TBXAS1: variants seen among roughly 807,000 people sequenced by gnomAD.
TBXAS1 encodes the protein thromboxane A synthase 1, also known as thromboxane-A synthase.
A neutral mutation model predicts 60.7 loss-of-function variants in TBXAS1; 48 were observed. The ratio of observed to expected loss-of-function variants is 0.79; its 90% CI spans 0.63 to 1.01. The LOEUF (loss-of-function observed/expected upper bound fraction) is 1.01. Ranked by LOEUF, TBXAS1 falls within the 50% of genes least tolerant of loss-of-function variation. The pLI, the probability that TBXAS1 is intolerant of heterozygous loss-of-function variation, is 0.00. For synonymous variants in TBXAS1, 287 were observed against 269.7 expected (o/e 1.06, Z -0.63); for missense variants, 685 against 686.3 (o/e 1.00, Z 0.02).
In TBXAS1 at chr7:139,810,040, C is replaced by CT. The variant is rs374225998; in HGVS notation, c.-79-19258dup. On this transcript the variant is annotated intron_variant, in intron 4 of 16. Coordinates refer to the TBXAS1 transcript ENST00000336425. ...GTCATTTTCAATAAGTGGAAATTAA[C>CT]TTTTTTTTTTTTTTGAGACAGGGTC... Among the ~76,000 whole-genome samples the CT allele has an allele frequency of 6.8e-3, 995 of 145,690 alleles. 7 individuals carry two copies. The highest frequency in any genetic ancestry group is 0.02 in the African/African-American group (782 of 39,914).
chr7:139,793,801 G>A (rs1797465791), intron 4 of TBXAS1, among the ~76,000 whole-genome samples: 1 of 152,210 alleles, frequency 6.6e-6, no homozygotes, highest in Non-Finnish European at 1.5e-5. Context: ...GATTCAGAGT[G>A]AAAATAAGCC....
chr7:139,855,528 A>G (rs1334503457), intron 1 of TBXAS1, among the ~76,000 whole-genome samples: 1 of 152,038 alleles, frequency 6.6e-6, no homozygotes, highest in East Asian at 1.9e-4. Flanking sequence ...TGCCAGGTGA[A>G]GTGGGCCTCA....
intron 8 of TBXAS1, among the ~76,000 whole-genome samples, chr7:139,959,582 A>T (rs549497568): frequency 4.6e-4 from 70 of 152,232 alleles, no homozygotes; most frequent in African/African-American, 1.6e-3. Flanking sequence ...TGGCCTCTGT[A>T]GCTGGAGGTT....
intron 9 of TBXAS1, among the ~76,000 whole-genome samples, chr7:140,006,786 G>C (rs752851952): frequency 3.9e-5 from 6 of 152,166 alleles, no homozygotes; most frequent in Non-Finnish European, 8.8e-5. Flanking sequence ...TGCTGCACTT[G>C]GTCGGCCACA....
chr7:139,988,631 G>C (rs753521451), intron 9 of TBXAS1, among the ~76,000 whole-genome samples: 16 of 151,962 alleles, frequency 1.1e-4, no homozygotes, highest in Non-Finnish European at 2.1e-4. Context: ...GGGTACTTCT[G>C]CTTGCCTCAG....
intron 4 of TBXAS1, among the ~76,000 whole-genome samples, chr7:139,805,949 T>G (rs1797862744): frequency 6.9e-6 from 1 of 144,494 alleles, no homozygotes; most frequent in Non-Finnish European, 1.5e-5. Context: ...TTTTTTTTTT[T>G]TTTGAGATGG....
chr7:139,982,542 T>A (rs1812046302), intron 9 of TBXAS1, among the ~76,000 whole-genome samples: 1 of 152,286 alleles, frequency 6.6e-6, no homozygotes, highest in South Asian at 2.1e-4. Flanking sequence ...GACTACAATC[T>A]CATCATAAGA....
At chr7:139,796,424 C>T (rs1266374990) in intron 4 of TBXAS1, among the ~76,000 whole-genome samples, 1 of 152,172 alleles carries the variant, frequency 6.6e-6, no homozygotes, top group Non-Finnish European at 1.5e-5. Flanking sequence ...CTATGATATT[C>T]TGGCATAGGC....
At chr7:139,791,609 A>G (rs932428595) in intron 4 of TBXAS1, among the ~76,000 whole-genome samples, 6 of 152,196 alleles carry the variant, frequency 3.9e-5, no homozygotes, top group African/African-American at 1.4e-4. Context: ...GTTTCAGAGT[A>G]TGTTGTATTG....
At chr7:139,961,009 G>A (rs1810290565) in intron 8 of TBXAS1, among the ~76,000 whole-genome samples, 1 of 152,062 alleles carries the variant, frequency 6.6e-6, no homozygotes, top group African/African-American at 2.4e-5. Context: ...TTAACACAGA[G>A]GCGATATAGA....
At chr7:139,846,730 T>C (rs557217652) in intron 1 of TBXAS1, among the ~76,000 whole-genome samples, 42 of 152,342 alleles carry the variant, frequency 2.8e-4, no homozygotes, top group African/African-American at 9.9e-4. Flanking sequence ...CCTGGACTTA[T>C]ACCACTAGGT....
intron 1 of TBXAS1, among the ~76,000 whole-genome samples, chr7:139,869,367 C>A (rs1328146337): frequency 2.0e-5 from 3 of 151,974 alleles, no homozygotes; most frequent in African/African-American, 7.3e-5. Flanking sequence ...GATTGAGGGG[C>A]CCCTGTACTT....
At chr7:139,788,194 A>G (rs1015202631) in intron 4 of TBXAS1, among the ~76,000 whole-genome samples, 1 of 152,166 alleles carries the variant, frequency 6.6e-6, no homozygotes, top group African/African-American at 2.4e-5. Flanking sequence ...TAAACGTGCC[A>G]TTTTTCCCCC....
intron 9 of TBXAS1, among the ~76,000 whole-genome samples, chr7:139,976,241 T>A (rs925994757): frequency 5.9e-5 from 9 of 152,228 alleles, no homozygotes; most frequent in Non-Finnish European, 8.8e-5. Flanking sequence ...CCAGGCTTGA[T>A]GCTGTCACCA....
At chr7:139,869,977 A>G (rs1038074005) in intron 1 of TBXAS1, among the ~76,000 whole-genome samples, 2 of 152,168 alleles carry the variant, frequency 1.3e-5, no homozygotes, top group African/African-American at 4.8e-5. Context: ...TTTGGTGGCA[A>G]TGATCTCTCC....
At chr7:139,919,156 C>T (rs1401730818) in intron 4 of TBXAS1, among the ~76,000 whole-genome samples, 4 of 152,164 alleles carry the variant, frequency 2.6e-5, no homozygotes, top group Admixed American at 1.3e-4. Flanking sequence ...TCTTGAGTCT[C>T]AGTTGATTAT....
intron 4 of TBXAS1, among the ~76,000 whole-genome samples, chr7:139,924,674 G>A (rs4726460): frequency 0.4 from 60,671 of 151,926 alleles, 13,957 homozygotes; most frequent in Non-Finnish European, 0.5. Flanking sequence ...AATCTCAATC[G>A]TCCATTTTTG....
intron 9 of TBXAS1, among the ~76,000 whole-genome samples, chr7:140,001,780 T>G (rs1290904382): frequency 6.6e-6 from 1 of 152,234 alleles, no homozygotes; most frequent in Non-Finnish European, 1.5e-5. Flanking sequence ...TCAAATATCC[T>G]GTTGGATTCA....
At chr7:139,996,552 G>A (rs2117634967) in intron 9 of TBXAS1, among the ~76,000 whole-genome samples, 1 of 152,260 alleles carries the variant, frequency 6.6e-6, no homozygotes, top group East Asian at 1.9e-4. Flanking sequence ...TCCTTCCCCT[G>A]GAAGATGCTG....
Sources: allele counts gnomAD v4.1 joint callset (sites outside exome capture counted in the v4.1 genomes callset), GRCh38; gene constraint gnomAD v4.1.1; transcripts MANE v1.5; gene names NCBI Gene and HGNC (gene_info 2026-07-23, HGNC 2026-07-21).